Variants in DCHS2 observed in about 807,000 individuals in gnomAD.
The protein encoded by DCHS2 is dachsous cadherin-related 2.
A neutral mutation model predicts 182.4 loss-of-function variants in DCHS2; 142 were observed. The observed-to-expected ratio is 0.78, with a 90% CI of 0.68 to 0.89. DCHS2 has a LOEUF of 0.89. Among genes scored for constraint, DCHS2 ranks in the 40% least tolerant of loss-of-function variants. The pLI is 0.00. For synonymous variants in DCHS2, 1,740 were observed against 1,663.3 expected, an observed-to-expected ratio of 1.05 and a Z score of -1.12; for missense variants, 4,319 against 4,198.6, an observed-to-expected ratio of 1.03 and a Z score of -0.79.
At chr4:154,485,943 G>A (rs1017353306) in intron 1 of DCHS2, among the ~76,000 whole-genome samples, 5 of 152,180 alleles carry the variant, frequency 3.3e-5, no homozygotes, top group Non-Finnish European at 5.9e-5. Flanking sequence ...GAGCGAAAAT[G>A]GAATCTTTCA....
At chr4:154,281,096 G>T (rs1342989506) in intron 13 of DCHS2, among the ~76,000 whole-genome samples, 1 of 151,836 alleles carries the variant, frequency 6.6e-6, no homozygotes, top group African/African-American at 2.4e-5. Context: ...CAAAGTGCTG[G>T]GATTACAGGT....
intron 1 of DCHS2, among the ~76,000 whole-genome samples, chr4:154,444,644 T>G (rs1358793863): frequency 6.6e-6 from 1 of 152,086 alleles, no homozygotes; most frequent in Non-Finnish European, 1.5e-5. Context: ...AGCACCACCC[T>G]CACAACACCA....
intron 2 of DCHS2, among the ~76,000 whole-genome samples, chr4:154,376,080 A>G (rs1427619368): frequency 1.3e-5 from 2 of 151,936 alleles, no homozygotes; most frequent in East Asian, 3.9e-4. Context: ...GGATGGGGGC[A>G]TGGAGGGGTG....
intron 5 of DCHS2, 36 bp downstream of exon 5, chr4:154,332,442 A>T (rs1263867055): frequency 6.5e-7 from 1 of 1,533,460 alleles, no homozygotes; most frequent in Non-Finnish European, 8.8e-7. Context: ...CTGAACCCTC[A>T]TTTTAAAGGA....
At position 154,233,571 on chromosome 4, in the gene DCHS2, C is replaced by T. The variant is rs370342255; in HGVS notation, c.*965G>A. 2.6e-5 allele frequency: 4 copies of T among 152,228 alleles called. No individual in the cohort carries two copies. The East Asian group carries it at 5.8e-4, about 22-fold the overall frequency. The allele number at this position is 152,228 out of a possible 1,614,324, so 9.4% of individuals were successfully genotyped here. A position where few individuals can be genotyped will look rare whatever the true frequency, so the allele number is the denominator to read the frequency against. ...GCTAATGACATGATTTTTATCTACA[C>T]AAATTTTAAAAACTGACATTGAGTG... On this transcript the variant is annotated 3_prime_UTR_variant, in exon 20 of 20. Transcript: ENST00000357232.
chr4:154,249,491 C>T (rs1352901069), intron 16 of DCHS2, among the ~76,000 whole-genome samples: 2 of 152,246 alleles, frequency 1.3e-5, no homozygotes, highest in East Asian at 3.9e-4. Context: ...ATAGTTCGGC[C>T]ACTGTGGAAA....
intron 1 of DCHS2, among the ~76,000 whole-genome samples, chr4:154,440,616 C>T (rs1733970002): frequency 6.6e-6 from 1 of 152,048 alleles, no homozygotes; most frequent in Non-Finnish European, 1.5e-5. Context: ...AAGTTTTGCC[C>T]CTGCTAACAA....
chr4:154,357,185 G>C, intron 3 of DCHS2: 1 of 1,444,990 alleles, frequency 6.9e-7, no homozygotes, highest in South Asian at 1.2e-5. Context: ...GAATGCTTCT[G>C]ACTCTGGCTT....
In DCHS2 at chr4:154,490,757, C is replaced by G. The variant is rs890601235; in HGVS notation, c.599G>C (p.Ser200Thr). 3.2e-6 allele frequency: 5 copies of G among 1,551,474 alleles called. No individual in the cohort carries two copies. Among genetic ancestry groups the G allele is most frequent in the Admixed American group, 3.9e-5 (2 of 50,986 alleles). ...VAHDPDAGLF[S>T]TQGYTLVQPS... Reference sequence around the variant, plus strand: ...TTGCACCAGGGTGTAGCCCTGAGTGCTGAACAGTCCGGCGTCCGGATCGTG... The same window carrying G: ...TTGCACCAGGGTGTAGCCCTGAGTGGTGAACAGTCCGGCGTCCGGATCGTG... The change falls in exon 1 of 20, where the codon AGC (serine) becomes ACC (threonine). Residue 200 changes from serine to threonine, a missense_variant. By Grantham distance (58) the Ser-to-Thr change is moderately conservative (BLOSUM62 1). Transcript: ENST00000357232.
intron 1 of DCHS2, 36 bp from the exon 2 acceptor site, chr4:154,377,480 A>G: frequency 6.5e-7 from 1 of 1,540,092 alleles, no homozygotes; most frequent in Non-Finnish European, 8.9e-7. Context: ...GGAAACAGAA[A>G]TGCTAGCATT....
At chr4:154,260,955 A>C (rs556606164) in intron 14 of DCHS2, among the ~76,000 whole-genome samples, 1 of 152,014 alleles carries the variant, frequency 6.6e-6, no homozygotes, top group Non-Finnish European at 1.5e-5. Flanking sequence ...TAAGAAACTT[A>C]CTCCTTTAAC....
intron 7 of DCHS2, 109 bp from the exon 8 acceptor site, chr4:154,322,597 CTA>C (rs1441232321): frequency 6.0e-6 from 8 of 1,338,656 alleles, no homozygotes; most frequent in Non-Finnish European, 7.8e-6. Context: ...GCTTTGAATT[CTA>C]TGAGAGTATG....
At chr4:154,362,749 C>G (rs147806325) in intron 3 of DCHS2, among the ~76,000 whole-genome samples, 1 of 152,194 alleles carries the variant, frequency 6.6e-6, no homozygotes, top group Non-Finnish European at 1.5e-5. Context: ...TCTCCTTCCT[C>G]TTCCTCCTCG....
chr4:154,259,685 C>T lies in DCHS2; in HGVS notation c.6649G>A (p.Ala2217Thr). The change falls in exon 15 of 20, where the codon GCT (alanine) becomes ACT (threonine). Residue 2217 changes from alanine (A) to threonine (T), a missense_variant. Physicochemically the swap from Ala to Thr is moderately conservative, Grantham distance 58. Coordinates refer to ENST00000357232, the MANE Select transcript of DCHS2 (RefSeq NM_001358235.2). ...TAGGCTCTATGCCCACTACTTTCAGCTAAAACGATGAGTTGAACCTCATTT... is the reference window on the plus strand; with the variant it reads ...TAGGCTCTATGCCCACTACTTTCAGTTAAAACGATGAGTTGAACCTCATTT... ...VRNEVQLIVLAESSGHRAYCK... is the reference protein window; with the variant it reads ...VRNEVQLIVLTESSGHRAYCK... 6.2e-7 allele frequency: 1 copy of T among 1,613,988 alleles called. No individual in the cohort carries two copies. Among genetic ancestry groups the T allele is most frequent in the Non-Finnish European group, 8.5e-7 (1 of 1,179,992 alleles).
intron 9 of DCHS2, among the ~76,000 whole-genome samples, chr4:154,316,235 G>C (rs184707161): frequency 4.6e-5 from 7 of 152,036 alleles, no homozygotes; most frequent in African/African-American, 7.2e-5. Context: ...TCAATGTTAT[G>C]CAATTATCTA....
intron 1 of DCHS2, among the ~76,000 whole-genome samples, chr4:154,428,859 C>A (rs1305817275): frequency 6.6e-6 from 1 of 151,810 alleles, no homozygotes; most frequent in Non-Finnish European, 1.5e-5. Flanking sequence ...GCTGAGATCG[C>A]ACCACTGCAC....
chr4:154,324,669 T>C (rs1413699819), intron 7 of DCHS2, among the ~76,000 whole-genome samples: 1 of 152,210 alleles, frequency 6.6e-6, no homozygotes, highest in African/African-American at 2.4e-5. Context: ...CTCCATTCTT[T>C]AGTTCAACAG....
chr4:154,442,258 C>G (rs754220261), intron 1 of DCHS2, among the ~76,000 whole-genome samples: 1 of 152,092 alleles, frequency 6.6e-6, no homozygotes, highest in African/African-American at 2.4e-5. Context: ...TCTGTCTCCC[C>G]TACGTGACTT....
rs978537825 is a variant in DCHS2, at chr4:154,490,277, T to A, written c.1079A>T (p.Glu360Val). 6.5e-7 allele frequency: 1 copy of A among 1,548,430 alleles called. No individual in the cohort carries two copies. Among genetic ancestry groups the A allele is most frequent in the South Asian group, 1.2e-5 (1 of 83,990 alleles). Residue 360 changes from glutamate to valine, a missense_variant, in exon 1 of 20, where the codon GAG becomes GTG. Coordinates refer to ENST00000357232, the MANE Select transcript of DCHS2 (RefSeq NM_001358235.2). ...CCACACTCGCACCACGCCGCTCAGCTCCTCCACCGCGAAGTAGGCCGCGTC... is the reference window on the plus strand; with the variant it reads ...CCACACTCGCACCACGCCGCTCAGCACCTCCACCGCGAAGTAGGCCGCGTC... ...LGDAAYFAVE[E>V]LSGVVRVWRP...
Sources: gnomAD v4.1 joint callset for allele counts (sites outside exome capture counted in the v4.1 genomes callset) on GRCh38, gnomAD v4.1.1 for gene constraint, MANE v1.5 for transcripts, NCBI Gene and HGNC (gene_info 2026-07-23, HGNC 2026-07-21) for gene names.